The following ERC2 variants were observed in gnomAD, a reference collection of about 807,000 sequenced individuals.
ERC2 encodes ELKS/RAB6-interacting/CAST family member 2, also known as ERC protein 2.
Under a neutral mutation model 114.8 loss-of-function variants are expected in ERC2, and 42 were observed. That is an observed-to-expected ratio of 0.37 (90% CI 0.29 to 0.47). ERC2 has a LOEUF of 0.47. Among genes scored for constraint, ERC2 ranks in the 20% least tolerant of loss-of-function variants. ERC2 has a pLI of 0.99. For missense variants in ERC2, 939 were observed against 1,150.7 expected (o/e 0.82, Z 2.66); for synonymous variants, 454 against 425.5 (o/e 1.07, Z -0.82).
chr3:55,999,112 T>C (rs1160390747), intron 10 of ERC2, among the ~76,000 whole-genome samples: 1 of 152,172 alleles, frequency 6.6e-6, no homozygotes, highest in African/African-American at 2.4e-5. Context: ...CCACAAGGGC[T>C]ACAGCAAACA....
chr3:56,433,046 T>C, intron 2 of ERC2, among the ~76,000 whole-genome samples: 1 of 151,946 alleles, frequency 6.6e-6, no homozygotes, highest in Non-Finnish European at 1.5e-5. Flanking sequence ...GCTGTGGTGA[T>C]ATGTGCCCGT....
At chr3:55,693,730 C>T (rs554705434) in intron 16 of ERC2, among the ~76,000 whole-genome samples, 30 of 149,994 alleles carry the variant, frequency 2.0e-4, no homozygotes, top group Admixed American at 9.9e-4. Context: ...TTTTTTGAGA[C>T]GAAGTTTCAC....
chr3:55,900,896 G>A (rs2064100247), intron 13 of ERC2, among the ~76,000 whole-genome samples: 1 of 152,226 alleles, frequency 6.6e-6, no homozygotes, highest in Non-Finnish European at 1.5e-5. Flanking sequence ...CAAAGAAGCA[G>A]ACCATTTAAA....
chr3:55,522,924 T>C (rs2053059164), intron 17 of ERC2, among the ~76,000 whole-genome samples: 1 of 152,240 alleles, frequency 6.6e-6, no homozygotes, highest in Non-Finnish European at 1.5e-5. Context: ...CTTTTGTCCC[T>C]GGTCACTTTG....
chr3:55,566,805 C>T (rs2056405052), intron 17 of ERC2, among the ~76,000 whole-genome samples: 1 of 152,004 alleles, frequency 6.6e-6, no homozygotes, highest in Admixed American at 6.6e-5. Context: ...TTTAAGCAAT[C>T]CTCTCACCTT....
At chr3:55,601,459 A>C (rs932859195) in intron 17 of ERC2, among the ~76,000 whole-genome samples, 9 of 152,166 alleles carry the variant, frequency 5.9e-5, no homozygotes, top group African/African-American at 2.2e-4. Flanking sequence ...TTAAAAAGCT[A>C]CTCAGACTGC....
At chr3:56,188,525 C>T (rs1325042855) in intron 3 of ERC2, among the ~76,000 whole-genome samples, 1 of 152,214 alleles carries the variant, frequency 6.6e-6, no homozygotes, top group Admixed American at 6.5e-5. Context: ...ACACGTGCCA[C>T]ACTTCAGACC....
chr3:56,209,498 C>A (rs1437696018), intron 3 of ERC2, among the ~76,000 whole-genome samples: 1 of 152,168 alleles, frequency 6.6e-6, no homozygotes, highest in Non-Finnish European at 1.5e-5. Context: ...GGGTGTAGAC[C>A]ATTTCTGTCA....
intron 7 of ERC2, among the ~76,000 whole-genome samples, chr3:56,035,174 A>C (rs2074711032): frequency 6.6e-6 from 1 of 152,196 alleles, no homozygotes. Flanking sequence ...AAGGATTATA[A>C]AAGATTATTA....
intron 2 of ERC2, among the ~76,000 whole-genome samples, chr3:56,297,691 T>C (rs753351091): frequency 3.0e-4 from 46 of 152,198 alleles, no homozygotes; most frequent in Admixed American, 7.2e-4. Flanking sequence ...AACACAGTGC[T>C]AAGCACAGGA....
In ERC2 at chr3:56,296,389, T is replaced by C; in HGVS notation, c.704A>G (p.Gln235Arg). The C allele has an allele frequency of 6.2e-7, 1 of 1,614,018 alleles. No individual in the cohort carries two copies. Residue 235 changes from glutamine to arginine, a missense_variant, in exon 3 of 18, where the codon CAG becomes CGG. Physicochemically the swap from Gln to Arg is conservative, Grantham distance 43. Transcript: ENST00000288221. Reference sequence around the variant, plus strand: ...CTGGAGGAGGTGGTTGAGGTCTCTCTGGGTTCGCAGCTCATCTTGAAGGGC... The same window carrying C: ...CTGGAGGAGGTGGTTGAGGTCTCTCCGGGTTCGCAGCTCATCTTGAAGGGC... ...IQALQDELRT[Q>R]RDLNHLLQQE...
intron 17 of ERC2, among the ~76,000 whole-genome samples, chr3:55,549,322 C>T (rs1300592746): frequency 6.6e-6 from 1 of 152,102 alleles, no homozygotes; most frequent in Non-Finnish European, 1.5e-5. Flanking sequence ...AATACCATGT[C>T]CTGGTTATTC....
intron 2 of ERC2, among the ~76,000 whole-genome samples, chr3:56,409,535 A>C (rs1332033483): frequency 6.6e-6 from 1 of 151,258 alleles, no homozygotes; most frequent in Non-Finnish European, 1.5e-5. Context: ...AAAAAAAAAA[A>C]CCTCTGCTCA....
At chr3:56,379,530 T>C (rs1042601873) in intron 2 of ERC2, among the ~76,000 whole-genome samples, 3 of 152,130 alleles carry the variant, frequency 2.0e-5, no homozygotes, top group Non-Finnish European at 4.4e-5. Flanking sequence ...AACTGAGGCA[T>C]AGAAAGTTAA....
At chr3:56,123,233 G>T (rs2079680281) in intron 6 of ERC2, among the ~76,000 whole-genome samples, 1 of 152,136 alleles carries the variant, frequency 6.6e-6, no homozygotes, top group Non-Finnish European at 1.5e-5. Context: ...ATTAGGAAGT[G>T]GGGCCTTTTA....
At chr3:56,099,284 C>A (rs73831895) in intron 6 of ERC2, among the ~76,000 whole-genome samples, 2,856 of 152,278 alleles carry the variant, frequency 0.019, 74 homozygotes, top group African/African-American at 0.065. Flanking sequence ...AACTGTCAGA[C>A]AATAAACTTC....
At chr3:56,262,756 C>T (rs901044513) in intron 3 of ERC2, among the ~76,000 whole-genome samples, 2 of 152,216 alleles carry the variant, frequency 1.3e-5, no homozygotes, top group African/African-American at 4.8e-5. Context: ...AAGTTACTAA[C>T]TTTCCTCTCA....
intron 15 of ERC2, among the ~76,000 whole-genome samples, chr3:55,702,381 G>C (rs1458940047): frequency 6.6e-6 from 1 of 152,072 alleles, no homozygotes. Flanking sequence ...ATGAGAGTTT[G>C]GTCTGATACT....
Position 55,767,703 on chromosome 3 carries a change from A to T in ERC2, c.2565-32785T>A, listed in dbSNP as rs145246483. ...GGTGATGTTCTCCGGGAGTACACTAAAGGGCATCAGGGATGAACAACAAAT... is the reference window on the plus strand; with the variant it reads ...GGTGATGTTCTCCGGGAGTACACTATAGGGCATCAGGGATGAACAACAAAT... On this transcript the variant is annotated intron_variant, in intron 14 of 17. Coordinates refer to ENST00000288221, the MANE Select transcript of ERC2 (RefSeq NM_015576.3). Among the ~76,000 whole-genome samples the T allele has an allele frequency of 1.2e-3, 178 of 152,296 alleles. 2 individuals are homozygous for T. Among genetic ancestry groups the T allele is most frequent in the African/African-American group, 4.1e-3 (171 of 41,556 alleles).
Sources: gnomAD v4.1 joint callset for allele counts (sites outside exome capture counted in the v4.1 genomes callset) on GRCh38, gnomAD v4.1.1 for gene constraint, MANE v1.5 for transcripts, NCBI Gene and HGNC (gene_info 2026-07-23, HGNC 2026-07-21) for gene names.